Variants in C9orf72 observed in about 807,000 individuals in gnomAD.
C9orf72 encodes guanine nucleotide exchange factor C9orf72.
A neutral mutation model predicts 51.6 loss-of-function variants in C9orf72; 44 were observed. That is an observed-to-expected ratio of 0.85 (90% confidence interval 0.67 to 1.10). C9orf72 has a LOEUF of 1.10. Among genes scored for constraint, C9orf72 ranks in the 50% least tolerant of loss-of-function variants. C9orf72 has a pLI of 0.00. For missense variants in C9orf72, 607 were observed against 570.6 expected (o/e 1.06, Z -0.65); for synonymous variants, 213 against 194.2 (o/e 1.10, Z -0.81).
intron 1 of C9orf72, among the ~76,000 whole-genome samples, chr9:27,570,977 GA>G (rs1255348562): frequency 5.9e-5 from 9 of 152,156 alleles, no homozygotes; most frequent in Non-Finnish European, 1.0e-4. Flanking sequence ...AATAGCCTGG[GA>G]AATGAAATGT....
chr9:27,569,370 G>T (rs920702001), intron 1 of C9orf72, among the ~76,000 whole-genome samples: 3 of 152,314 alleles, frequency 2.0e-5, no homozygotes, highest in African/African-American at 7.2e-5. Context: ...CTCACCCAGA[G>T]CAACTTCTAG....
chr9:27,562,280 CA>C, intron 4 of C9orf72, 100 bp downstream of exon 4: 1 of 438,796 alleles, frequency 2.3e-6, no homozygotes, highest in Non-Finnish European at 3.8e-6. Context: ...GTATGTATGA[CA>C]AAGTCCTTAC....
chr9:27,567,117 A>C lies in C9orf72; in HGVS notation c.4T>G (p.Ser2Ala), dbSNP rs1819487172. Reference sequence around the variant, plus strand: ...GGAGATGGCGGTGGGCAAAGAGTCGACATCACTGCATTCCAACTGTCACAT... The same window carrying C: ...GGAGATGGCGGTGGGCAAAGAGTCGCCATCACTGCATTCCAACTGTCACAT... M[S>A]TLCPPPSPAV... is the part of the protein sequence containing the mutation. The change falls in exon 2 of 11, where the codon TCG (serine) becomes GCG (alanine). Residue 2 changes from serine to alanine, a missense_variant. Coordinates refer to ENST00000380003, the MANE Select transcript of C9orf72 (RefSeq NM_018325.5). 2 of 1,611,858 alleles carry C rather than the reference A, an allele frequency of 1.2e-6. No individual in the cohort carries two copies. Among genetic ancestry groups the C allele is most frequent in the Admixed American group, 3.3e-5 (2 of 59,966 alleles).
intron 8 of C9orf72, among the ~76,000 whole-genome samples, chr9:27,553,141 T>G (rs1184561039): frequency 1.3e-5 from 2 of 152,176 alleles, no homozygotes; most frequent in African/African-American, 4.8e-5. Context: ...ATGGCCATAC[T>G]GCCCAAAGCA....
chr9:27,552,271 T>C (rs1025884924), intron 8 of C9orf72, among the ~76,000 whole-genome samples: 4 of 152,168 alleles, frequency 2.6e-5, no homozygotes, highest in Non-Finnish European at 5.9e-5. Flanking sequence ...TGGTAAGATA[T>C]TGGCTATGGG....
In C9orf72 at chr9:27,547,678, G is replaced by C. The variant is rs1372843902; in HGVS notation, c.*558C>G. 6.6e-6 allele frequency: 1 copy of C among 152,514 alleles called. No individual in the cohort carries two copies. The highest frequency in any genetic ancestry group is 1.9e-4 in the East Asian group (1 of 5,198). 9.4% of individuals were successfully genotyped at this position (152,514 alleles called of 1,614,324 possible). Reference sequence around the variant, plus strand: ...GAATCCCAGGGACTAAATCCACAAAGTAGGATCTAATAATCAATTCCAATT... The same window carrying C: ...GAATCCCAGGGACTAAATCCACAAACTAGGATCTAATAATCAATTCCAATT... On this transcript the variant is annotated 3_prime_UTR_variant, in exon 11 of 11. Transcript: ENST00000380003.
At chr9:27,554,061 C>T (rs535111434) in intron 8 of C9orf72, among the ~76,000 whole-genome samples, 2 of 152,136 alleles carry the variant, frequency 1.3e-5, no homozygotes, top group Non-Finnish European at 2.9e-5. Context: ...TTATACACTG[C>T]TGGCGGGACT....
intron 4 of C9orf72, 114 bp from the exon 5 acceptor site, chr9:27,561,763 T>C (rs1819355919): frequency 6.5e-6 from 4 of 614,202 alleles, no homozygotes; most frequent in South Asian, 2.1e-5. Context: ...ACTGCCTTCA[T>C]TTCCGAGAAT....
At chr9:27,572,967 C>G (rs886805828) in intron 1 of C9orf72, among the ~76,000 whole-genome samples, 3 of 152,226 alleles carry the variant, frequency 2.0e-5, no homozygotes, top group Non-Finnish European at 4.4e-5. Context: ...CCCATCTCAT[C>G]CCGCATGATC....
intron 5 of C9orf72, chr9:27,561,319 A>C: frequency 8.2e-7 from 1 of 1,221,318 alleles, no homozygotes; most frequent in Non-Finnish European, 1.0e-6. Context: ...GAAGTAAAAC[A>C]AGAAACCAGA....
intron 5 of C9orf72, chr9:27,561,341 G>C (rs942388993): frequency 7.9e-7 from 1 of 1,261,288 alleles, no homozygotes; most frequent in Non-Finnish European, 1.0e-6. Context: ...TCAAGCAAGG[G>C]GCCATGATTT....
chr9:27,563,326 G>T (rs956313217), intron 3 of C9orf72, among the ~76,000 whole-genome samples: 19 of 152,108 alleles, frequency 1.2e-4, no homozygotes, highest in Admixed American at 1.1e-3. Context: ...TGAAAATTCA[G>T]TATAACACAT....
At chr9:27,558,779 G>C in intron 6 of C9orf72, 172 bp from the exon 7 acceptor site, 1 of 484,092 alleles carries the variant, frequency 2.1e-6, no homozygotes, top group Non-Finnish European at 3.6e-6. Context: ...TTAAAATAGG[G>C]ATTCTGTGGT....
At chr9:27,560,395 G>A in intron 5 of C9orf72, 96 bp from the exon 6 acceptor site, 1 of 875,816 alleles carries the variant, frequency 1.1e-6, no homozygotes, top group Non-Finnish European at 1.7e-6. Flanking sequence ...AAATAACTCA[G>A]AATAGCTTTA....
At chr9:27,552,035 AG>A (rs1436645273) in intron 8 of C9orf72, among the ~76,000 whole-genome samples, 5 of 152,200 alleles carry the variant, frequency 3.3e-5, no homozygotes, top group Non-Finnish European at 7.3e-5. Flanking sequence ...TAACAGATTT[AG>A]GAGTTTCTGG....
intron 7 of C9orf72, 60 bp downstream of exon 7, chr9:27,558,430 TA>T (rs1819260792): frequency 3.4e-6 from 3 of 884,168 alleles, no homozygotes; most frequent in Non-Finnish European, 5.5e-6. Flanking sequence ...GATTTGTCTA[TA>T]AAGAGTCTCA....
intron 6 of C9orf72, 79 bp downstream of exon 6, chr9:27,560,148 C>G (rs1819303526): frequency 1.1e-6 from 1 of 920,552 alleles, no homozygotes; most frequent in Non-Finnish European, 1.6e-6. Flanking sequence ...TAATTGCAAC[C>G]TACCATTTAA....
chr9:27,551,564 T>C (rs974486560), intron 8 of C9orf72, among the ~76,000 whole-genome samples: 1 of 152,186 alleles, frequency 6.6e-6, no homozygotes, highest in Non-Finnish European at 1.5e-5. Flanking sequence ...AGAATGGGTA[T>C]GTGTAGAAGC....
rs1820788822 is a variant in C9orf72 at position 27,547,323 on chromosome 9, G to T, written c.*913C>A. ...CATTTTATAATCTCAGAGTTGCAATGATTGCCAAAGCAGGTACATGGTAAG... is the reference window on the plus strand; with the variant it reads ...CATTTTATAATCTCAGAGTTGCAATTATTGCCAAAGCAGGTACATGGTAAG... On this transcript the variant is annotated 3_prime_UTR_variant, in exon 11 of 11. Transcript: ENST00000380003. 2 of 152,608 alleles carry T rather than the reference G, an allele frequency of 1.3e-5. No individual in the cohort carries two copies. The highest frequency in any genetic ancestry group is 4.8e-5 in the African/African-American group (2 of 41,448). 9.5% of individuals were successfully genotyped at this position (152,608 alleles called of 1,614,324 possible).
Sources: allele counts gnomAD v4.1 joint callset (sites outside exome capture counted in the v4.1 genomes callset), GRCh38; gene constraint gnomAD v4.1.1; transcripts MANE v1.5; gene names NCBI Gene and HGNC (gene_info 2026-07-23, HGNC 2026-07-21).